Variants in MYT1L observed in about 807,000 individuals in gnomAD.
MYT1L encodes myelin transcription factor 1-like protein.
MYT1L carries 12 observed loss-of-function variants against 126.7 expected under a neutral mutation model. That is an observed-to-expected ratio of 0.09 (90% CI 0.06 to 0.15). The LOEUF (loss-of-function observed/expected upper bound fraction) is 0.15, where lower values mean the gene tolerates loss of function less well. Among genes scored for constraint, MYT1L ranks in the 10% least tolerant of loss-of-function variants. MYT1L has a pLI of 1.00. For synonymous variants in MYT1L, 541 were observed against 604.2 expected (o/e 0.90, Z 1.53); for missense variants, 979 against 1,585.2 (o/e 0.62, Z 6.49).
rs576774283 is a variant in MYT1L at position 2,301,862 on chromosome 2, T to C, written c.-520-17359A>G. On this transcript the variant is annotated intron_variant, in intron 1 of 24. Coordinates refer to ENST00000647738, the MANE Select transcript of MYT1L (RefSeq NM_001303052.2). ...AAAAAAAAAGAAGAAAATTTACATA[T>C]GGTCATATCATAGAGATTCACTACT... is the stretch of plus-strand genomic sequence containing the variant. Among the ~76,000 whole-genome samples, 507 of 151,140 alleles carry C rather than the reference T, an allele frequency of 3.4e-3. 5 individuals are homozygous for C. The highest frequency in any genetic ancestry group is 6.0e-3 in the Non-Finnish European group (410 of 67,806).
intron 4 of MYT1L, among the ~76,000 whole-genome samples, chr2:2,053,580 C>T (rs2069107873): frequency 6.6e-6 from 1 of 152,096 alleles, no homozygotes; most frequent in Non-Finnish European, 1.5e-5. Flanking sequence ...AATTAATGAC[C>T]TTCTTAATTT....
intron 3 of MYT1L, among the ~76,000 whole-genome samples, chr2:2,056,899 C>G (rs913408726): frequency 6.6e-6 from 1 of 152,152 alleles, no homozygotes; most frequent in Admixed American, 6.5e-5. Context: ...TTTTTCTTTA[C>G]GGCATTTGTC....
chr2:1,991,079 A>G (rs2061419418), intron 5 of MYT1L, among the ~76,000 whole-genome samples: 1 of 152,152 alleles, frequency 6.6e-6, no homozygotes, highest in Non-Finnish European at 1.5e-5. Context: ...TACAAGGAAG[A>G]GCAGAGGAGC....
At chr2:2,217,706 C>CAAAA (rs35934436) in intron 2 of MYT1L, among the ~76,000 whole-genome samples, 10 of 91,174 alleles carry the variant, frequency 1.1e-4, no homozygotes, top group African/African-American at 1.8e-4. Flanking sequence ...ACAACAACAA[C>CAAAA]AAAAAAAAAA....
At chr2:2,098,681 T>C (rs900919233) in intron 3 of MYT1L, among the ~76,000 whole-genome samples, 1 of 152,206 alleles carries the variant, frequency 6.6e-6, no homozygotes, top group African/African-American at 2.4e-5. Flanking sequence ...AACTTCCCAG[T>C]TAACCTTTGT....
intron 3 of MYT1L, among the ~76,000 whole-genome samples, chr2:2,130,164 T>A (rs2082191734): frequency 6.6e-6 from 1 of 151,978 alleles, no homozygotes. Context: ...CAACTCAGTA[T>A]AAAAGGGGTT....
chr2:2,312,834 G>A (rs560153869), intron 1 of MYT1L, among the ~76,000 whole-genome samples: 81 of 152,132 alleles, frequency 5.3e-4, no homozygotes, highest in Admixed American at 1.2e-3. Flanking sequence ...TTGTAAGCTG[G>A]GGTGTGGAGA....
intron 4 of MYT1L, among the ~76,000 whole-genome samples, chr2:2,002,198 G>A (rs760960621): frequency 5.9e-5 from 9 of 152,082 alleles, no homozygotes; most frequent in South Asian, 2.1e-4. Flanking sequence ...GAGAAACACC[G>A]GTGTAACTTA....
At chr2:2,186,521 C>T (rs554095124) in intron 2 of MYT1L, among the ~76,000 whole-genome samples, 1 of 152,150 alleles carries the variant, frequency 6.6e-6, no homozygotes, top group Non-Finnish European at 1.5e-5. Context: ...TTAGCTTTGC[C>T]CCCATCACTA....
chr2:2,288,275 T>A (rs2095551616), intron 1 of MYT1L, among the ~76,000 whole-genome samples: 1 of 152,132 alleles, frequency 6.6e-6, no homozygotes, highest in African/African-American at 2.4e-5. Flanking sequence ...AATAGTAGAG[T>A]TGGATTTGAA....
chr2:1,985,253 T>C (rs1006795649), intron 5 of MYT1L, among the ~76,000 whole-genome samples: 9 of 152,100 alleles, frequency 5.9e-5, no homozygotes, highest in Non-Finnish European at 1.2e-4. Flanking sequence ...GAAGAGGAGA[T>C]AGGAGGGAGG....
In MYT1L at chr2:1,911,363, T is replaced by C. The variant is rs556490183; in HGVS notation, c.1709+657A>G. ...GACTGTAAGACAAACTTTAAAAGAA[T>C]CACTTTTTGGCCTCTGGGAAAAAAA... On this transcript the variant is annotated intron_variant, in intron 12 of 24. Coordinates refer to ENST00000647738, the MANE Select transcript of MYT1L (RefSeq NM_001303052.2). 1.6e-3 allele frequency among the ~76,000 whole-genome samples: 244 copies of C among 152,222 alleles called. 1 individual carries two copies. Among genetic ancestry groups the C allele is most frequent in the Non-Finnish European group, 2.7e-3 (181 of 68,016 alleles).
At chr2:1,849,042 A>T (rs2042871223) in intron 19 of MYT1L, among the ~76,000 whole-genome samples, 1 of 152,146 alleles carries the variant, frequency 6.6e-6, no homozygotes, top group Non-Finnish European at 1.5e-5. Flanking sequence ...TTGAGCTTAG[A>T]TTTTAATCAT....
At chr2:2,049,632 C>T (rs2068589141) in intron 4 of MYT1L, among the ~76,000 whole-genome samples, 1 of 152,184 alleles carries the variant, frequency 6.6e-6, no homozygotes, top group African/African-American at 2.4e-5. Context: ...TGAATTGTAG[C>T]TCCCATAATT....
chr2:2,180,983 C>CT (rs1559251037), intron 2 of MYT1L, among the ~76,000 whole-genome samples: 5 of 123,906 alleles, frequency 4.0e-5, no homozygotes, highest in Admixed American at 4.0e-4. Flanking sequence ...TGTGTGTGTA[C>CT]CTGTGTGTGC....
intron 3 of MYT1L, among the ~76,000 whole-genome samples, chr2:2,060,031 G>A (rs899190461): frequency 6.6e-6 from 1 of 152,182 alleles, no homozygotes; most frequent in Non-Finnish European, 1.5e-5. Flanking sequence ...GAGCATGTGT[G>A]GAACTGAAGT....
intron 9 of MYT1L, among the ~76,000 whole-genome samples, chr2:1,932,530 A>G (rs532524841): frequency 3.3e-5 from 5 of 152,348 alleles, no homozygotes; most frequent in Admixed American, 3.3e-4. Context: ...CCTTGTAGTC[A>G]TGGCTGTTCC....
At position 1,840,793 on chromosome 2, in the gene MYT1L, C is replaced by A; in HGVS notation, c.2825G>T (p.Ser942Ile). ...TTCTTGATCTTCTTTATCTTCTTTG[C>A]TCTGTGCTATCCTGATACCACTTTT... ...AKKSGIRIAQ[S>I]KEDKEDQEPI... The change falls in exon 20 of 25, where the codon AGC becomes ATC. Residue 942 changes from serine to isoleucine, a missense_variant. By Grantham distance (142) the Ser-to-Ile change is moderately radical (BLOSUM62 -2). Transcript: ENST00000647738. 6.4e-7 allele frequency: 1 copy of A among 1,551,074 alleles called. No individual in the cohort carries two copies. Among genetic ancestry groups the A allele is most frequent in the Non-Finnish European group, 8.7e-7 (1 of 1,146,974 alleles).
rs2034845048 is a variant in MYT1L at position 1,801,452 on chromosome 2, C to T, written c.3276+244G>A. On this transcript the variant is annotated intron_variant, in intron 23 of 24. Transcript: ENST00000647738. The surrounding 1 kb of genome is among the most constrained non-coding windows in gnomAD (Gnocchi z 4.2). ...CTCTGAAAATGCCTATTCACAAATGCACTTTATTAAAAAACACAAACACAC... is the reference window on the plus strand; with the variant it reads ...CTCTGAAAATGCCTATTCACAAATGTACTTTATTAAAAAACACAAACACAC... The T allele has an allele frequency of 2.5e-6, 1 of 402,116 alleles. No individual in the cohort carries two copies. The highest frequency in any genetic ancestry group is 2.1e-5 in the African/African-American group (1 of 48,690). The allele number at this position is 402,116 out of a possible 1,614,324, so 24.9% of individuals were successfully genotyped here. A position where few individuals can be genotyped will look rare whatever the true frequency, so the allele number is the denominator to read the frequency against.
Sources: allele counts gnomAD v4.1 joint callset (sites outside exome capture counted in the v4.1 genomes callset), GRCh38; gene constraint gnomAD v4.1.1; non-coding constraint Gnocchi (gnomAD v3.1); transcripts MANE v1.5; gene names NCBI Gene and HGNC (gene_info 2026-07-23, HGNC 2026-07-21).